RADIL: variants seen among roughly 807,000 people sequenced by gnomAD.
RADIL encodes the protein ras-associating and dilute domain-containing protein.
In RADIL, 99 loss-of-function variants were observed where a neutral mutation model predicts 97.6. That is an observed-to-expected ratio of 1.01 (90% CI 0.86 to 1.20). The LOEUF is 1.20. Ranked by LOEUF, RADIL falls within the 50% of genes most tolerant of loss-of-function variation. The pLI, the probability that RADIL is intolerant of heterozygous loss-of-function variation, is 0.00. For synonymous variants in RADIL, 803 were observed against 691.8 expected (o/e 1.16, Z -2.52); for missense variants, 1,765 against 1,498.9 (o/e 1.18, Z -2.93).
intron 9 of RADIL, 86 bp from the exon 10 acceptor site, chr7:4,805,802 G>T (rs969894063): frequency 6.6e-7 from 1 of 1,509,790 alleles, no homozygotes; most frequent in Admixed American, 2.0e-5. Context: ...GGTGGCCTGG[G>T]GGTAGCCAGC....
At position 4,842,402 on chromosome 7, in the gene RADIL, G is replaced by A. The variant is rs1411291759; in HGVS notation, c.536-5797C>T. On this transcript the variant is annotated intron_variant, in intron 2 of 14. Transcript: ENST00000399583. This position sits in a 1 kb window ranked among gnomAD's most constrained non-coding sequence, Gnocchi z 4.5. ...GAAACTCACTCCTGGAGGAAGCGGC[G>A]AGGGAGACAGCATGCAGCCACAGCC... Among the ~76,000 whole-genome samples the A allele has an allele frequency of 2.0e-5, 3 of 152,194 alleles. No homozygotes were observed. Among genetic ancestry groups the A allele is most frequent in the South Asian group, 4.1e-4 (2 of 4,828 alleles).
chr7:4,804,315 A>C (rs532922526), intron 10 of RADIL, among the ~76,000 whole-genome samples: 58 of 152,222 alleles, frequency 3.8e-4, no homozygotes, highest in Non-Finnish European at 7.4e-4. Context: ...AAGGACTTAG[A>C]AGGTGTCAGG....
chr7:4,801,749 C>A lies in RADIL; in HGVS notation c.2746G>T (p.Asp916Tyr). The part of the protein sequence containing the change: ...PSTPLGPEPG[D>Y]PDWPESGGPC... ...CCGCCGGACTCTGGCCAGTCGGGGTCCCCAGGCTCAGGGCCAAGTGGAGTG... is the reference window on the plus strand; with the variant it reads ...CCGCCGGACTCTGGCCAGTCGGGGTACCCAGGCTCAGGGCCAAGTGGAGTG... Residue 916 changes from aspartate to tyrosine, a missense_variant, in exon 12 of 15, where the codon GAC (aspartate) becomes TAC (tyrosine). Physicochemically the swap from Asp to Tyr is radical, Grantham distance 160. Transcript: ENST00000399583. 6.2e-7 allele frequency: 1 copy of A among 1,610,408 alleles called. No homozygotes were observed. Among genetic ancestry groups the A allele is most frequent in the Non-Finnish European group, 8.5e-7 (1 of 1,179,044 alleles).
rs770891189 is a variant in RADIL, at chr7:4,836,479, C to A, written c.662G>T (p.Ser221Ile). Reference protein sequence around the residue: ...LRRTVSETSLSPVNALPAAAQ... With the variant: ...LRRTVSETSLIPVNALPAAAQ... ...GGCAGCGGGCAGGGCGTTCACTGGG[C>A]TCAGGCTGGTCTCACTGACTGTGCG... The change falls in exon 3 of 15, where the codon AGC (serine) becomes ATC (isoleucine). Residue 221 changes from serine (S) to isoleucine (I), a missense_variant. Coordinates refer to ENST00000399583, the MANE Select transcript of RADIL (RefSeq NM_018059.5). The A allele has an allele frequency of 2.5e-6, 4 of 1,607,242 alleles. No individual in the cohort carries two copies. Among genetic ancestry groups the A allele is most frequent in the Non-Finnish European group, 3.4e-6 (4 of 1,177,718 alleles).
In RADIL at chr7:4,824,149, C is replaced by G. The variant is rs1213973160; in HGVS notation, c.1455-1595G>C. On this transcript the variant is annotated intron_variant, in intron 5 of 14. Transcript: ENST00000399583. The surrounding 1 kb of genome is among the most constrained non-coding windows in gnomAD (Gnocchi z 6.7). ...TCTGCCTGGGGTGTGGAGGGCGGCC[C>G]TGCTGCCTGCCCCATGGCTGGCCCG... Among the ~76,000 whole-genome samples, 1 of 152,236 alleles carries G rather than the reference C, an allele frequency of 6.6e-6. No homozygotes were observed. The highest frequency in any genetic ancestry group is 2.4e-5 in the African/African-American group (1 of 41,470).
At chr7:4,860,294 T>C in intron 2 of RADIL, 1 of 1,613,938 alleles carries the variant, frequency 6.2e-7, no homozygotes, top group Non-Finnish European at 8.5e-7. Flanking sequence ...GTGTGCTTTC[T>C]TGTCCTGAAG....
rs759877525 is a variant in RADIL, at chr7:4,835,024, C to A, written c.999G>T (p.Gly333=). Residue 333 remains glycine, a synonymous_variant, in exon 4 of 15, where the codon GGG becomes GGT. Coordinates refer to ENST00000399583, the MANE Select transcript of RADIL (RefSeq NM_018059.5). The surrounding 1 kb of genome is among the most constrained non-coding windows in gnomAD (Gnocchi z 5.8). ...AHISVNFSEV[G]HRTVVLHHGD... is the part of the protein sequence containing the mutation. ...CGTGGTGCAGCACCACGGTCCTGTG[C>A]CCCACCTCGGAGAAGTTGACGGAGA... 1 of 1,610,966 alleles carries A rather than the reference C, an allele frequency of 6.2e-7. No individual in the cohort carries two copies. The highest frequency in any genetic ancestry group is 1.7e-5 in the Admixed American group (1 of 59,856).
rs923890785 is a variant in RADIL, at chr7:4,883,696, C to G, written c.-165G>C. 4 of 151,936 alleles carry G rather than the reference C, an allele frequency of 2.6e-5. No individual in the cohort carries two copies. Among genetic ancestry groups the G allele is most frequent in the East Asian group, 3.9e-4 (2 of 5,182 alleles). 9.4% of individuals were successfully genotyped at this position (151,936 alleles called of 1,614,324 possible). A position where few individuals can be genotyped will look rare whatever the true frequency, so the allele number is the denominator to read the frequency against. ...CCGCGCGTGCCGCGGCGCCTCCTGC[C>G]GGCGGCGCAACGGGCGGGGCGGGGC... On this transcript the variant is annotated 5_prime_UTR_variant, in exon 1 of 15. Transcript: ENST00000399583. The surrounding 1 kb of genome is among the most constrained non-coding windows in gnomAD (Gnocchi z 7.1).
At chr7:4,808,987 GC>G (rs575195453) in intron 9 of RADIL, 47 of 806,596 alleles carry the variant, frequency 5.8e-5, no homozygotes, top group South Asian at 6.1e-5. Context: ...CAACGCCACT[GC>G]CCCCCCGCGT....
chr7:4,801,965 G>C lies in RADIL; in HGVS notation c.2530C>G (p.Leu844Val), dbSNP rs1271020654. ...GMHHVVLDGH[L>V]EAPSCPLAPR... ...GCCAGGGGGCAGCTCGGGGCCTCCA[G>C]GTGCCCGTCAAGGACCACGTGGTGC... is the stretch of plus-strand genomic sequence containing the variant. The change falls in exon 12 of 15, where the codon CTG (leucine) becomes GTG (valine). Residue 844 changes from leucine (L) to valine (V), a missense_variant. By Grantham distance (32) the Leu-to-Val change is conservative. Coordinates refer to ENST00000399583, the MANE Select transcript of RADIL (RefSeq NM_018059.5). 13 of 1,551,952 alleles carry C rather than the reference G, an allele frequency of 8.4e-6. No individual in the cohort carries two copies. Among genetic ancestry groups the C allele is most frequent in the Middle Eastern group, 3.7e-4 (2 of 5,364 alleles).
At chr7:4,826,368 A>T (rs1260614676) in intron 5 of RADIL, among the ~76,000 whole-genome samples, 1 of 152,182 alleles carries the variant, frequency 6.6e-6, no homozygotes, top group Non-Finnish European at 1.5e-5. Flanking sequence ...GTGTTCCACA[A>T]AAGGAGGAAG....
intron 2 of RADIL, among the ~76,000 whole-genome samples, chr7:4,844,963 A>G (rs1020941712): frequency 1.3e-5 from 2 of 151,952 alleles, no homozygotes; most frequent in South Asian, 4.2e-4. Flanking sequence ...GGAGTCAACC[A>G]CATGTGGCCC....
chr7:4,860,419 G>C, intron 2 of RADIL: 1 of 1,614,122 alleles, frequency 6.2e-7, no homozygotes, highest in Non-Finnish European at 8.5e-7. Flanking sequence ...CAGTATCTGT[G>C]AAAGACTGGA....
intron 5 of RADIL, among the ~76,000 whole-genome samples, chr7:4,827,222 G>A (rs1004958297): frequency 4.1e-4 from 63 of 152,000 alleles, no homozygotes; most frequent in Middle Eastern, 3.4e-3. Flanking sequence ...AAAATTAGCC[G>A]GGCATGGTGG....
chr7:4,827,260 G>T (rs1783011105), intron 5 of RADIL, among the ~76,000 whole-genome samples: 1 of 151,914 alleles, frequency 6.6e-6, no homozygotes, highest in African/African-American at 2.4e-5. Context: ...AGCTACTCAG[G>T]AGGCTGAGGC....
rs1783466285 is a variant in RADIL, at chr7:4,842,557, C to T, written c.536-5952G>A. Among the ~76,000 whole-genome samples, 2 of 152,080 alleles carry T rather than the reference C, an allele frequency of 1.3e-5. No homozygotes were observed. Among genetic ancestry groups the T allele is most frequent in the Non-Finnish European group, 1.5e-5 (1 of 68,016 alleles). ...GGAAACTGGACAAGCAGCTGGTGAC[C>T]GTCACCAGCTCCCACGGACTCTGAA... On this transcript the variant is annotated intron_variant, in intron 2 of 14. Coordinates refer to ENST00000399583, the MANE Select transcript of RADIL (RefSeq NM_018059.5). The surrounding 1 kb of genome is among the most constrained non-coding windows in gnomAD (Gnocchi z 4.5).
In RADIL at chr7:4,840,040, C is replaced by T. The variant is rs566037602; in HGVS notation, c.536-3435G>A. On this transcript the variant is annotated intron_variant, in intron 2 of 14. Coordinates refer to ENST00000399583, the MANE Select transcript of RADIL (RefSeq NM_018059.5). This position sits in a 1 kb window ranked among gnomAD's most constrained non-coding sequence, Gnocchi z 5.6. ...TTGGAATTACAGGCGTGAGCCACCG[C>T]GCCCAGCATAAACACTTTTGTTAAA... is the stretch of plus-strand genomic sequence containing the variant. 1.1e-4 allele frequency among the ~76,000 whole-genome samples: 16 copies of T among 152,212 alleles called. No individual in the cohort carries two copies. The highest frequency in any genetic ancestry group is 2.9e-4 in the African/African-American group (12 of 41,456).
Position 4,842,006 on chromosome 7 carries a change from G to A in RADIL, c.536-5401C>T, listed in dbSNP as rs377348300. 1.7e-4 allele frequency among the ~76,000 whole-genome samples: 26 copies of A among 151,576 alleles called. No homozygotes were observed. The highest frequency in any genetic ancestry group is 4.9e-4 in the African/African-American group (20 of 41,226). ...GGAGGTCGAGGCTGCAGTGAGCTACGATCACGCCACCGCACTCCAGCCTGG... is the reference window on the plus strand; with the variant it reads ...GGAGGTCGAGGCTGCAGTGAGCTACAATCACGCCACCGCACTCCAGCCTGG... On this transcript the variant is annotated intron_variant, in intron 2 of 14. Coordinates refer to ENST00000399583, the MANE Select transcript of RADIL (RefSeq NM_018059.5). The surrounding 1 kb of genome is among the most constrained non-coding windows in gnomAD (Gnocchi z 4.5).
Position 4,815,271 on chromosome 7 carries a change from C to A in RADIL, c.2139+7G>T, listed in dbSNP as rs1376731664. On this transcript the variant is annotated splice_region_variant and intron_variant, in intron 9 of 14. Transcript: ENST00000399583. The surrounding 1 kb of genome is among the most constrained non-coding windows in gnomAD (Gnocchi z 8.0). ...CCACACTCGCCGCCTCCCATGCGCA[C>A]CCCTACCTGGATGAGCTGGGCCCTG... 9 of 1,550,016 alleles carry A rather than the reference C, an allele frequency of 5.8e-6. No individual in the cohort carries two copies. Among genetic ancestry groups the A allele is most frequent in the African/African-American group, 2.7e-5 (2 of 73,250 alleles).
Sources: allele counts gnomAD v4.1 joint callset (sites outside exome capture counted in the v4.1 genomes callset), GRCh38; gene constraint gnomAD v4.1.1; non-coding constraint Gnocchi (gnomAD v3.1); transcripts MANE v1.5; gene names NCBI Gene and HGNC (gene_info 2026-07-23, HGNC 2026-07-21).